Variants in CPAMD8 observed in about 807,000 individuals in gnomAD.
CPAMD8 encodes the protein C3 and PZP-like alpha-2-macroglobulin domain-containing protein 8.
A neutral mutation model predicts 224.7 loss-of-function variants in CPAMD8; 146 were observed. That is an observed-to-expected ratio of 0.65 (90% CI 0.57 to 0.75). The LOEUF is 0.75. CPAMD8 is among the 30% of genes least tolerant of loss of function. The pLI is 0.00. For missense variants in CPAMD8, 2,301 were observed against 2,537.5 expected, an observed-to-expected ratio of 0.91 and a Z score of 2.00; for synonymous variants, 966 against 1,044.6, an observed-to-expected ratio of 0.92 and a Z score of 1.45.
chr19:16,939,876 T>TG (rs1057230086), intron 22 of CPAMD8, among the ~76,000 whole-genome samples: 3 of 151,992 alleles, frequency 2.0e-5, no homozygotes, highest in African/African-American at 7.2e-5. Flanking sequence ...CTTTAGCTTT[T>TG]TTGTTGTTGT....
chr19:17,019,753 G>A (rs2056903628), intron 3 of CPAMD8, among the ~76,000 whole-genome samples: 1 of 149,696 alleles, frequency 6.7e-6, no homozygotes, highest in Non-Finnish European at 1.5e-5. Context: ...TTTTTTTGTA[G>A]AGACAGGATT....
rs1230559300 is a variant in CPAMD8 at position 16,893,105 on chromosome 19, G to C, written c.*3C>G. The stretch of plus-strand genomic sequence containing the variant: ...GGTCCCACAACTGCATGTGGTTGTA[G>C]GATTATCTCAAGGTGCAGGTGTTTG... On this transcript the variant is annotated 3_prime_UTR_variant, in exon 42 of 42. Transcript: ENST00000443236. 3 of 1,299,716 alleles carry C rather than the reference G, an allele frequency of 2.3e-6. No homozygotes were observed. Among genetic ancestry groups the C allele is most frequent in the South Asian group, 2.4e-5 (2 of 84,386 alleles). The allele number at this position is 1,299,716 out of a possible 1,614,324, so 80.5% of individuals were successfully genotyped here. A position where few individuals can be genotyped will look rare whatever the true frequency, so the allele number is the denominator to read the frequency against.
At chr19:17,016,597 T>C (rs1010064930) in intron 3 of CPAMD8, among the ~76,000 whole-genome samples, 5 of 151,968 alleles carry the variant, frequency 3.3e-5, no homozygotes, top group Non-Finnish European at 7.4e-5. Context: ...CCCACCTCTA[T>C]TGAAAATACA....
At chr19:16,996,999 T>C in intron 11 of CPAMD8, 112 bp downstream of exon 11, 2 of 713,736 alleles carry the variant, frequency 2.8e-6, no homozygotes, top group South Asian at 3.3e-5. Flanking sequence ...TCCGCAAAGG[T>C]TATGTCAGGG....
At chr19:17,006,118 A>G (rs1417512383) in intron 7 of CPAMD8, among the ~76,000 whole-genome samples, 7 of 151,998 alleles carry the variant, frequency 4.6e-5, no homozygotes, top group Admixed American at 4.6e-4. Flanking sequence ...ACCCGCCACC[A>G]TGTCCAGCTA....
intron 20 of CPAMD8, among the ~76,000 whole-genome samples, chr19:16,947,847 G>T (rs993232238): frequency 1.3e-5 from 2 of 152,194 alleles, no homozygotes; most frequent in African/African-American, 4.8e-5. Flanking sequence ...GTGTGTATGG[G>T]CATGCTAGTT....
chr19:16,897,498 C>T (rs1281852279), intron 39 of CPAMD8, 193 bp downstream of exon 39: 2 of 564,646 alleles, frequency 3.5e-6, no homozygotes, highest in Non-Finnish European at 3.1e-6. Context: ...CACGCCCCTC[C>T]CCGCTGACCG....
intron 2 of CPAMD8, among the ~76,000 whole-genome samples, 170 bp from the exon 3 acceptor site, chr19:17,020,523 G>A (rs145630706): frequency 2.0e-5 from 3 of 152,270 alleles, no homozygotes; most frequent in East Asian, 3.9e-4. Context: ...ACTGGCAGAA[G>A]CCAGAGGTTT....
At position 16,899,254 on chromosome 19, in the gene CPAMD8, G is replaced by C. The variant is rs1220928778; in HGVS notation, c.4848+221C>G. 6.6e-6 allele frequency among the ~76,000 whole-genome samples: 1 copy of C among 151,988 alleles called. No individual in the cohort carries two copies. The highest frequency in any genetic ancestry group is 2.1e-4 in the South Asian group (1 of 4,808). ...ATATTTTTTGTAAAGATGGGGTCTC[G>C]CCATGTTGCCCAGGCTGGTCTCGAA... On this transcript the variant is annotated intron_variant, in intron 37 of 41. Coordinates refer to ENST00000443236, the MANE Select transcript of CPAMD8 (RefSeq NM_015692.5). This position sits in a 1 kb window ranked among gnomAD's most constrained non-coding sequence, Gnocchi z 5.4.
intron 3 of CPAMD8, 105 bp downstream of exon 3, chr19:17,020,226 G>A (rs564772786): frequency 2.6e-5 from 22 of 836,586 alleles, no homozygotes; most frequent in Admixed American, 3.8e-5. Flanking sequence ...CACCCACCTC[G>A]GCCTTCCAAA....
At position 16,898,071 on chromosome 19, in the gene CPAMD8, G is replaced by T; in HGVS notation, c.4849-77C>A. 1 of 936,862 alleles carries T rather than the reference G, an allele frequency of 1.1e-6. No individual in the cohort carries two copies. The highest frequency in any genetic ancestry group is 1.5e-5 in the South Asian group (1 of 67,344). The allele number at this position is 936,862 out of a possible 1,614,324, so 58.0% of individuals were successfully genotyped here. ...GCTGAGCTCAGGCCCAGAACTGGCT[G>T]ATTTCAGGGATACCCAGGACGCGTG... On this transcript the variant is annotated intron_variant, in intron 37 of 41. Coordinates refer to ENST00000443236, the MANE Select transcript of CPAMD8 (RefSeq NM_015692.5). This position sits in a 1 kb window ranked among gnomAD's most constrained non-coding sequence, Gnocchi z 4.2.
intron 18 of CPAMD8, among the ~76,000 whole-genome samples, chr19:16,959,176 CTTT>C (rs1303892809): frequency 3.8e-5 from 5 of 131,728 alleles, no homozygotes; most frequent in African/African-American, 1.1e-4. Context: ...TTGCATTTCC[CTTT>C]TTTTTTTTTT....
At chr19:16,990,264 A>G (rs550890537) in intron 12 of CPAMD8, among the ~76,000 whole-genome samples, 2 of 151,728 alleles carry the variant, frequency 1.3e-5, no homozygotes, top group African/African-American at 4.8e-5. Flanking sequence ...AAAAAAAAAG[A>G]AGCAAGCATC....
At position 16,898,459 on chromosome 19, in the gene CPAMD8, A is replaced by G. The variant is rs759900055; in HGVS notation, c.4849-465T>C. ...GAAAACGTCTCAGGTGGCCTCTGAA[A>G]CACCACTCCTTTTTGTGTGTGTGCA... On this transcript the variant is annotated intron_variant, in intron 37 of 41. Coordinates refer to ENST00000443236, the MANE Select transcript of CPAMD8 (RefSeq NM_015692.5). This position sits in a 1 kb window ranked among gnomAD's most constrained non-coding sequence, Gnocchi z 4.2. Among the ~76,000 whole-genome samples, 70 of 151,954 alleles carry G rather than the reference A, an allele frequency of 4.6e-4. No individual in the cohort carries two copies. The highest frequency in any genetic ancestry group is 8.5e-4 in the Non-Finnish European group (58 of 67,934).
chr19:16,994,515 C>CTTTTTTTTT (rs71180347), intron 11 of CPAMD8, among the ~76,000 whole-genome samples: 1 of 105,300 alleles, frequency 9.5e-6, no homozygotes, highest in Non-Finnish European at 1.8e-5. Context: ...TAACCACTCC[C>CTTTTTTTTT]TTTTTTTTTT....
At chr19:16,932,609 T>C (rs1334032125) in intron 23 of CPAMD8, among the ~76,000 whole-genome samples, 5 of 152,018 alleles carry the variant, frequency 3.3e-5, no homozygotes, top group African/African-American at 9.7e-5. Flanking sequence ...AAGAAAGAAT[T>C]TCAGAACTTG....
chr19:17,006,285 G>A (rs1254262201), intron 7 of CPAMD8, among the ~76,000 whole-genome samples: 1 of 152,050 alleles, frequency 6.6e-6, no homozygotes, highest in African/African-American at 2.4e-5. Flanking sequence ...TTAAACAGGA[G>A]GTTGACCTCT....
At position 16,970,979 on chromosome 19, in the gene CPAMD8, C is replaced by T. The variant is rs575780371; in HGVS notation, c.2125G>A (p.Gly709Ser). ...ACAGCCTCATCGGTGTAGAGGCCAC[C>T]GTCCTGCCGGTGGTTCAGGCTCACT... ...DRVSLNHRQD[G>S]GLYTDEAVPA... is the part of the protein sequence containing the mutation. The change falls in exon 18 of 42, where the codon GGT becomes AGT. Residue 709 changes from glycine (G) to serine (S), a missense_variant. Around this residue, in one of 4 missense-constraint regions of CPAMD8, gnomAD observed 1,709 missense variants for 1,753.2 expected, o/e 0.97. Coordinates refer to ENST00000443236, the MANE Select transcript of CPAMD8 (RefSeq NM_015692.5). The T allele has an allele frequency of 9.9e-6, 16 of 1,613,466 alleles. No individual in the cohort carries two copies. The highest frequency in any genetic ancestry group is 3.3e-5 in the South Asian group (3 of 91,010).
chr19:16,943,007 TTTTC>T lies in CPAMD8; in HGVS notation c.2793+2538_2793+2541del, dbSNP rs757339244. 3.5e-3 allele frequency among the ~76,000 whole-genome samples: 444 copies of T among 127,904 alleles called. 4 individuals carry two copies. Among genetic ancestry groups the T allele is most frequent in the African/African-American group, 0.012 (361 of 29,292 alleles). 83.9% of individuals were successfully genotyped at this position (127,904 alleles called of 152,430 possible). ...GTGTTTGACTTTTTTCTTTTTTCTTTTTTCTTTTTTTTTTTTTTGAGACAGGGTC... is the reference window on the plus strand; with the variant it reads ...GTGTTTGACTTTTTTCTTTTTTCTTTTTTTTTTTTTTTTTGAGACAGGGTC... On this transcript the variant is annotated intron_variant, in intron 22 of 41. Coordinates refer to ENST00000443236, the MANE Select transcript of CPAMD8 (RefSeq NM_015692.5).
Sources: allele counts gnomAD v4.1 joint callset (sites outside exome capture counted in the v4.1 genomes callset), GRCh38; gene constraint gnomAD v4.1.1; regional missense constraint gnomAD v4.1.1; non-coding constraint Gnocchi (gnomAD v3.1); transcripts MANE v1.5; gene names NCBI Gene and HGNC (gene_info 2026-07-23, HGNC 2026-07-21).